The following PIBF1 variants were observed in gnomAD, a reference collection of about 807,000 sequenced individuals.
PIBF1 encodes the protein progesterone immunomodulatory binding factor 1.
In PIBF1, 90 loss-of-function variants were observed where a neutral mutation model predicts 112.5. The observed-to-expected ratio is 0.80, with a 90% CI of 0.67 to 0.95. The LOEUF (loss-of-function observed/expected upper bound fraction) is 0.95, where lower values mean the gene tolerates loss of function less well. PIBF1 is among the 40% of genes least tolerant of loss of function. The pLI is 0.00. For synonymous variants in PIBF1, 301 were observed against 288.6 expected (o/e 1.04, Z -0.44); for missense variants, 915 against 852.3 (o/e 1.07, Z -0.92).
At chr13:72,866,579 G>C (rs1441541301) in intron 10 of PIBF1, among the ~76,000 whole-genome samples, 1 of 152,052 alleles carries the variant, frequency 6.6e-6, no homozygotes, top group African/African-American at 2.4e-5. Flanking sequence ...AAGTCTTCCT[G>C]TGTGACTTTT....
In PIBF1 at chr13:72,942,201, G is replaced by A. The variant is rs75074922; in HGVS notation, c.1833+10934G>A. On this transcript the variant is annotated intron_variant, in intron 14 of 17. Coordinates refer to ENST00000326291, the MANE Select transcript of PIBF1 (RefSeq NM_006346.4). Reference sequence around the variant, plus strand: ...AGGAGACTCACATACCTACCATGTGGCCCTAAACAATCTAGATCTGATTAA... The same window carrying A: ...AGGAGACTCACATACCTACCATGTGACCCTAAACAATCTAGATCTGATTAA... 5.9e-3 allele frequency among the ~76,000 whole-genome samples: 875 copies of A among 147,806 alleles called. 26 individuals are homozygous for A. In the East Asian group the frequency reaches 0.097, roughly 16 times the overall value.
chr13:72,849,483 G>A lies in PIBF1; in HGVS notation c.1224-4574G>A, dbSNP rs548090866. On this transcript the variant is annotated intron_variant, in intron 9 of 17. Coordinates refer to ENST00000326291, the MANE Select transcript of PIBF1 (RefSeq NM_006346.4). ...TCTAATGCATTTAACATTTGAAATG[G>A]ATTACTTATTATATGAAAGTTATTG... is the stretch of plus-strand genomic sequence containing the variant. Among the ~76,000 whole-genome samples the A allele has an allele frequency of 9.2e-5, 14 of 152,254 alleles. No individual in the cohort carries two copies. The South Asian group carries it at 2.7e-3, about 29-fold the overall frequency.
chr13:72,872,422 A>G (rs1406588079), intron 10 of PIBF1, among the ~76,000 whole-genome samples: 1 of 152,332 alleles, frequency 6.6e-6, no homozygotes, highest in East Asian at 1.9e-4. Flanking sequence ...AGCACCATTT[A>G]GGTATAGAAA....
intron 11 of PIBF1, among the ~76,000 whole-genome samples, chr13:72,907,819 G>A (rs1034455545): frequency 5.9e-5 from 9 of 151,654 alleles, no homozygotes; most frequent in Non-Finnish European, 8.8e-5. Flanking sequence ...AAACATTTCC[G>A]TATCACTAGA....
chr13:72,846,020 A>C (rs1413757099), intron 9 of PIBF1, among the ~76,000 whole-genome samples: 1 of 152,158 alleles, frequency 6.6e-6, no homozygotes, highest in Admixed American at 6.5e-5. Flanking sequence ...ATAGTGTCAC[A>C]CACTATTAAA....
chr13:72,798,121 G>A, intron 5 of PIBF1, 95 bp downstream of exon 5: 2 of 1,292,540 alleles, frequency 1.5e-6, no homozygotes, highest in Non-Finnish European at 2.1e-6. Flanking sequence ...GTCAGTGATT[G>A]AAAAATGGGA....
chr13:72,811,254 TATTA>T (rs1316833334), intron 5 of PIBF1, among the ~76,000 whole-genome samples: 2 of 152,194 alleles, frequency 1.3e-5, no homozygotes, highest in Non-Finnish European at 2.9e-5. Context: ...TTTGTTAACT[TATTA>T]ATTGAGATTT....
chr13:72,934,964 AGTTTGTTTGTCTGTCTGTTTGTTTGTTT>A (rs2041821008), intron 14 of PIBF1, among the ~76,000 whole-genome samples: 1 of 151,532 alleles, frequency 6.6e-6, no homozygotes, highest in Non-Finnish European at 1.5e-5. Context: ...TTAGTTAGTT[AGTTTGTTTGTCTGTCTGTTTGTTTGTTT>A]GTTTGTTTAT....
At chr13:72,841,599 C>T (rs1252920607) in intron 9 of PIBF1, among the ~76,000 whole-genome samples, 1 of 152,008 alleles carries the variant, frequency 6.6e-6, no homozygotes, top group Non-Finnish European at 1.5e-5. Context: ...GGCAGAACCC[C>T]GTCTCTAGTG....
At position 72,893,953 on chromosome 13, in the gene PIBF1, C is replaced by T; in HGVS notation, c.1488+4C>T. On this transcript the variant is annotated splice_donor_region_variant and intron_variant, in intron 11 of 17. Coordinates refer to ENST00000326291, the MANE Select transcript of PIBF1 (RefSeq NM_006346.4). ...AAAATATCAGAAAAAATTGGAGGTA[C>T]ATGTACAAGCTTTTCTTTCAACATT... The T allele has an allele frequency of 6.9e-7, 1 of 1,451,950 alleles. No homozygotes were observed. Among genetic ancestry groups the T allele is most frequent in the Non-Finnish European group, 9.2e-7 (1 of 1,084,864 alleles). The allele number at this position is 1,451,950 out of a possible 1,614,324, so 89.9% of individuals were successfully genotyped here.
intron 11 of PIBF1, among the ~76,000 whole-genome samples, chr13:72,894,974 A>G (rs905434969): frequency 6.6e-6 from 1 of 151,116 alleles, no homozygotes; most frequent in Non-Finnish European, 1.5e-5. Flanking sequence ...AAAAAAATGT[A>G]AAAGTTAGGT....
intron 16 of PIBF1, among the ~76,000 whole-genome samples, chr13:72,988,970 G>C (rs1566523506): frequency 6.6e-6 from 1 of 152,140 alleles, no homozygotes; most frequent in South Asian, 2.1e-4. Flanking sequence ...CCCAGGAGGG[G>C]AAGGTTGCAC....
intron 8 of PIBF1, among the ~76,000 whole-genome samples, chr13:72,832,271 G>T (rs2037162802): frequency 6.6e-6 from 1 of 151,840 alleles, no homozygotes; most frequent in Admixed American, 6.6e-5. Flanking sequence ...TACATTTAAG[G>T]TTAATATTGT....
intron 6 of PIBF1, among the ~76,000 whole-genome samples, chr13:72,824,208 A>G (rs1342581345): frequency 6.8e-6 from 1 of 147,120 alleles, no homozygotes; most frequent in Non-Finnish European, 1.5e-5. Flanking sequence ...AAGTAGAGAC[A>G]TGGTTCCATG....
chr13:72,806,571 G>T (rs1257379969), intron 5 of PIBF1, among the ~76,000 whole-genome samples: 1 of 151,914 alleles, frequency 6.6e-6, no homozygotes, highest in African/African-American at 2.4e-5. Context: ...CCTCTCCCTG[G>T]TCCAAGTGTT....
chr13:72,819,156 G>A (rs907268151), intron 5 of PIBF1, among the ~76,000 whole-genome samples: 5 of 152,074 alleles, frequency 3.3e-5, no homozygotes, highest in African/African-American at 1.2e-4. Flanking sequence ...AAACCAGGTG[G>A]ATAATATAAA....
chr13:72,892,492 C>T (rs1288589974), intron 10 of PIBF1, among the ~76,000 whole-genome samples: 9 of 152,022 alleles, frequency 5.9e-5, no homozygotes, highest in Admixed American at 5.9e-4. Flanking sequence ...GTTTATCTTA[C>T]CTCAGAAATG....
intron 6 of PIBF1, among the ~76,000 whole-genome samples, chr13:72,825,449 A>C (rs955198185): frequency 2.0e-5 from 3 of 152,196 alleles, no homozygotes; most frequent in Non-Finnish European, 4.4e-5. Flanking sequence ...CCCTTGACCA[A>C]CATGGGGTCC....
At chr13:72,795,204 A>G (rs1268863695) in intron 3 of PIBF1, among the ~76,000 whole-genome samples, 155 bp from the exon 4 acceptor site, 1 of 152,190 alleles carries the variant, frequency 6.6e-6, no homozygotes, top group Non-Finnish European at 1.5e-5. Flanking sequence ...TATTTAACTG[A>G]TTAATATGAG....
Sources: gnomAD v4.1 joint callset for allele counts (sites outside exome capture counted in the v4.1 genomes callset) on GRCh38, gnomAD v4.1.1 for gene constraint, MANE v1.5 for transcripts, NCBI Gene and HGNC (gene_info 2026-07-23, HGNC 2026-07-21) for gene names.